The following KLF12 variants were observed in gnomAD, a reference collection of about 807,000 sequenced individuals.
KLF12 encodes KLF transcription factor 12.
KLF12 carries 9 observed loss-of-function variants against 37.8 expected under a neutral mutation model. The ratio of observed to expected loss-of-function variants is 0.24; its 90% confidence interval spans 0.14 to 0.42. The LOEUF (loss-of-function observed/expected upper bound fraction) is 0.42, where lower values mean the gene tolerates loss of function less well. Ranked by LOEUF, KLF12 falls within the 10% of genes least tolerant of loss-of-function variation. KLF12 has a pLI of 1.00. For missense variants in KLF12, 411 were observed against 516.0 expected, an observed-to-expected ratio of 0.80 and a Z score of 1.97; for synonymous variants, 208 against 202.1, an observed-to-expected ratio of 1.03 and a Z score of -0.25.
chr13:73,846,621 T>A (rs542715865), intron 3 of KLF12, among the ~76,000 whole-genome samples: 115 of 152,254 alleles, frequency 7.6e-4, no homozygotes, highest in African/African-American at 2.5e-3. Flanking sequence ...TAGACAATTA[T>A]TAAAATACTA....
chr13:73,826,701 A>AT (rs1883863152), intron 4 of KLF12, among the ~76,000 whole-genome samples: 1 of 152,058 alleles, frequency 6.6e-6, no homozygotes, highest in Non-Finnish European at 1.5e-5. Context: ...AACTACATAT[A>AT]TGTCCATGAA....
intron 1 of KLF12, among the ~76,000 whole-genome samples, chr13:74,037,806 A>G (rs1221736628): frequency 6.6e-6 from 1 of 152,206 alleles, no homozygotes; most frequent in Non-Finnish European, 1.5e-5. Context: ...GGACTGGGCA[A>G]TGAATACAGA....
At chr13:73,789,169 C>T (rs7984021) in intron 5 of KLF12, among the ~76,000 whole-genome samples, 24,388 of 152,014 alleles carry the variant, frequency 0.16, 2,501 homozygotes, top group African/African-American at 0.3. Context: ...TTTGTTTTTC[C>T]ACAAATACTT....
chr13:73,806,444 T>G (rs934284100), intron 5 of KLF12, among the ~76,000 whole-genome samples: 1 of 152,028 alleles, frequency 6.6e-6, no homozygotes, highest in Admixed American at 6.5e-5. Context: ...TTGCATAGGC[T>G]GGTCTTGAAC....
intron 1 of KLF12, among the ~76,000 whole-genome samples, chr13:74,097,464 A>C (rs572420464): frequency 2.6e-5 from 4 of 152,174 alleles, no homozygotes; most frequent in Non-Finnish European, 5.9e-5. Context: ...TACACACTTG[A>C]CTACAGAGTT....
intron 7 of KLF12, among the ~76,000 whole-genome samples, chr13:73,703,033 C>A (rs968377974): frequency 1.3e-5 from 2 of 152,098 alleles, no homozygotes; most frequent in African/African-American, 2.4e-5. Flanking sequence ...GAGCACACAG[C>A]CATATACAGG....
intron 1 of KLF12, among the ~76,000 whole-genome samples, chr13:74,029,966 A>G (rs963688875): frequency 1.3e-5 from 2 of 152,122 alleles, no homozygotes; most frequent in Non-Finnish European, 2.9e-5. Context: ...AGATGCCTCT[A>G]AATTACTTAA....
intron 4 of KLF12, among the ~76,000 whole-genome samples, chr13:73,836,614 T>C (rs1437472433): frequency 6.6e-6 from 1 of 152,192 alleles, no homozygotes; most frequent in African/African-American, 2.4e-5. Flanking sequence ...AATTCCCTTG[T>C]AGCATAACAG....
At chr13:74,161,542 A>G in the KLF12 span, among the ~76,000 whole-genome samples, 1 of 152,180 alleles carries the variant, frequency 6.6e-6, no homozygotes, top group African/African-American at 2.4e-5. Flanking sequence ...GACATGGAAC[A>G]GATTCTCCCT....
At chr13:74,282,902 T>C in the KLF12 span, among the ~76,000 whole-genome samples, 3 of 152,218 alleles carry the variant, frequency 2.0e-5, no homozygotes, top group Admixed American at 6.5e-5. Flanking sequence ...AAGTATTTTA[T>C]GATTCTAACC....
the KLF12 span, among the ~76,000 whole-genome samples, chr13:74,236,008 A>T: frequency 3.3e-5 from 5 of 149,508 alleles, no homozygotes; most frequent in Admixed American, 1.3e-4. Context: ...GGTTAGTTAC[A>T]TATGTATACA....
At chr13:74,004,407 T>C (rs1892359287) in intron 1 of KLF12, among the ~76,000 whole-genome samples, 1 of 152,184 alleles carries the variant, frequency 6.6e-6, no homozygotes, top group Non-Finnish European at 1.5e-5. Context: ...TTTACAGATG[T>C]GGAAACACAG....
At position 73,695,332 on chromosome 13, in the gene KLF12, G is replaced by T; in HGVS notation, c.*158C>A. 1.4e-6 allele frequency: 1 copy of T among 695,906 alleles called. No homozygotes were observed. The highest frequency in any genetic ancestry group is 2.4e-6 in the Non-Finnish European group (1 of 421,598). The allele number at this position is 695,906 out of a possible 1,614,324, so 43.1% of individuals were successfully genotyped here. A position where few individuals can be genotyped will look rare whatever the true frequency, so the allele number is the denominator to read the frequency against. ...CTAGTCATGATGGGGGTTACCTTCA[G>T]ACCAAAAGAAGTGTGCCTTCTTTTT... is the stretch of plus-strand genomic sequence containing the variant. On this transcript the variant is annotated 3_prime_UTR_variant, in exon 8 of 8. Transcript: ENST00000377669.
chr13:73,888,653 A>T (rs1486766677), intron 3 of KLF12, among the ~76,000 whole-genome samples: 1 of 152,232 alleles, frequency 6.6e-6, no homozygotes, highest in Non-Finnish European at 1.5e-5. Flanking sequence ...ATATGCACAT[A>T]TCTTATTGGG....
At chr13:74,183,674 T>A in the KLF12 span, among the ~76,000 whole-genome samples, 1 of 152,100 alleles carries the variant, frequency 6.6e-6, no homozygotes, top group Non-Finnish European at 1.5e-5. Flanking sequence ...GGTAGCTCAC[T>A]CCTGTAATCC....
intron 6 of KLF12, among the ~76,000 whole-genome samples, chr13:73,723,411 G>T (rs1484056532): frequency 6.6e-6 from 1 of 151,976 alleles, no homozygotes; most frequent in Non-Finnish European, 1.5e-5. Context: ...ATATTTAGAG[G>T]GATTTTCCCA....
rs546626060 is a variant in KLF12, at chr13:73,927,014, G to A, written c.123+16967C>T. Among the ~76,000 whole-genome samples, 13 of 150,778 alleles carry A rather than the reference G, an allele frequency of 8.6e-5. No homozygotes were observed. The East Asian group carries it at 1.6e-3, about 18-fold the overall frequency. On this transcript the variant is annotated intron_variant, in intron 3 of 7. Coordinates refer to ENST00000377669, the MANE Select transcript of KLF12 (RefSeq NM_007249.5). ...ACATGGAATTGAAATAAAGTCATACGAAATAGCATAAAAAATGTGAAAGGG... is the reference window on the plus strand; with the variant it reads ...ACATGGAATTGAAATAAAGTCATACAAAATAGCATAAAAAATGTGAAAGGG...
At chr13:73,726,880 G>A (rs766105990) in intron 6 of KLF12, among the ~76,000 whole-genome samples, 1 of 152,148 alleles carries the variant, frequency 6.6e-6, no homozygotes, top group African/African-American at 2.4e-5. Context: ...TTCCTAAAGT[G>A]GTTGTACCAT....
At chr13:74,097,911 G>A (rs948612189) in intron 1 of KLF12, among the ~76,000 whole-genome samples, 9 of 151,896 alleles carry the variant, frequency 5.9e-5, no homozygotes, top group African/African-American at 1.9e-4. Context: ...GACCCACCAT[G>A]CAGATATTCA....
Sources: gnomAD v4.1 joint callset for allele counts (sites outside exome capture counted in the v4.1 genomes callset) on GRCh38, gnomAD v4.1.1 for gene constraint, MANE v1.5 for transcripts, NCBI Gene and HGNC (gene_info 2026-07-23, HGNC 2026-07-21) for gene names.